Variants in AGMO observed in about 807,000 individuals in gnomAD.
AGMO encodes the protein glyceryl-ether monooxygenase.
In AGMO, 75 loss-of-function variants were observed where a neutral mutation model predicts 60.2. The observed-to-expected ratio is 1.25, with a 90% CI of 1.03 to 1.51. AGMO has a LOEUF of 1.51. Among genes scored for constraint, AGMO ranks in the 40% most tolerant of loss-of-function variants. AGMO has a pLI of 0.00. For synonymous variants in AGMO, 261 were observed against 177.1 expected (o/e 1.47, Z -3.76); for missense variants, 763 against 525.5 (o/e 1.45, Z -4.42).
In AGMO at chr7:15,390,763, T is replaced by C. The variant is rs548360005; in HGVS notation, c.743-13A>G. The C allele has an allele frequency of 1.2e-5, 20 of 1,602,884 alleles. No homozygotes were observed. The South Asian group carries it at 1.9e-4, about 15-fold the overall frequency. On this transcript the variant is annotated splice_polypyrimidine_tract_variant and intron_variant, in intron 7 of 12. Coordinates refer to ENST00000342526, the MANE Select transcript of AGMO (RefSeq NM_001004320.2). ...GCTTCAAATGTCCCTGGAAGATAAA[T>C]ATAAAGATATGAGATTTGGCTTCCT...
At chr7:15,235,996 G>A (rs906020442) in intron 12 of AGMO, among the ~76,000 whole-genome samples, 9 of 151,970 alleles carry the variant, frequency 5.9e-5, no homozygotes, top group African/African-American at 2.2e-4. Flanking sequence ...TATTATTAGT[G>A]GATGGGACCT....
chr7:15,184,508 AGGAAGGAAG>A, the AGMO span, among the ~76,000 whole-genome samples: 1 of 105,408 alleles, frequency 9.5e-6, no homozygotes, highest in Non-Finnish European at 1.9e-5. Context: ...AAGGAATAGA[AGGAAGGAAG>A]GGAGGGAGGG....
At chr7:15,292,583 G>A (rs888297881) in intron 12 of AGMO, among the ~76,000 whole-genome samples, 1 of 152,010 alleles carries the variant, frequency 6.6e-6, no homozygotes, top group Non-Finnish European at 1.5e-5. Flanking sequence ...CAATATTGTA[G>A]AGGTTCTTTC....
intron 2 of AGMO, among the ~76,000 whole-genome samples, chr7:15,552,116 T>C (rs946907865): frequency 5.9e-5 from 9 of 152,036 alleles, no homozygotes; most frequent in Non-Finnish European, 1.0e-4. Context: ...TGGCTAGCCA[T>C]ATGTAGAAAG....
At chr7:15,380,825 A>G (rs935647235) in intron 10 of AGMO, among the ~76,000 whole-genome samples, 1 of 152,192 alleles carries the variant, frequency 6.6e-6, no homozygotes, top group African/African-American at 2.4e-5. Context: ...TACTGGCACA[A>G]AAACAGTCAC....
intron 12 of AGMO, among the ~76,000 whole-genome samples, chr7:15,231,678 T>C (rs537548089): frequency 1.3e-5 from 2 of 152,312 alleles, no homozygotes; most frequent in African/African-American, 4.8e-5. Context: ...TGGGTTAAGA[T>C]TATAGATCTT....
At chr7:15,385,882 A>G (rs1027217140) in intron 9 of AGMO, among the ~76,000 whole-genome samples, 5 of 152,152 alleles carry the variant, frequency 3.3e-5, no homozygotes, top group African/African-American at 1.2e-4. Flanking sequence ...AAGCAAAGTA[A>G]AAGAAAAAAC....
chr7:15,257,512 T>C (rs7807400), intron 12 of AGMO, among the ~76,000 whole-genome samples: 3,720 of 152,298 alleles, frequency 0.024, 150 homozygotes, highest in African/African-American at 0.086. Flanking sequence ...TTCCTAATTG[T>C]AAATATAAAA....
At chr7:15,420,129 A>G (rs1780887366) in intron 4 of AGMO, among the ~76,000 whole-genome samples, 1 of 152,150 alleles carries the variant, frequency 6.6e-6, no homozygotes, top group Non-Finnish European at 1.5e-5. Flanking sequence ...GAATATTTAT[A>G]GTTCATTATA....
At chr7:15,374,312 C>G (rs766884880) in intron 10 of AGMO, among the ~76,000 whole-genome samples, 13 of 151,984 alleles carry the variant, frequency 8.6e-5, no homozygotes, top group Non-Finnish European at 1.8e-4. Flanking sequence ...TAAACATTTG[C>G]TAGAATTTCA....
chr7:15,427,042 C>T lies in AGMO; in HGVS notation c.513+3963G>A, dbSNP rs1329495569. Among the ~76,000 whole-genome samples, 5 of 152,100 alleles carry T rather than the reference C, an allele frequency of 3.3e-5. No homozygotes were observed. The East Asian group carries it at 9.7e-4, about 29-fold the overall frequency. On this transcript the variant is annotated intron_variant, in intron 4 of 12. Transcript: ENST00000342526. ...TTCGAATGGTGGTCTGAAAAGGAAACAGTGGGTGATGGGTTGAGGGATAAA... is the reference window on the plus strand; with the variant it reads ...TTCGAATGGTGGTCTGAAAAGGAAATAGTGGGTGATGGGTTGAGGGATAAA...
rs776953062 is a variant in AGMO, at chr7:15,535,098, C to A, written c.409+9674G>T. Among the ~76,000 whole-genome samples, 15 of 151,926 alleles carry A rather than the reference C, an allele frequency of 9.9e-5. 1 individual carries two copies. Among genetic ancestry groups the A allele is most frequent in the Non-Finnish European group, 1.8e-4 (12 of 67,832 alleles). Reference sequence around the variant, plus strand: ...AAACACAAAGAAGTGGCATAACTTGCTTAATATTACACAGTTAAAAAGTGG... The same window carrying A: ...AAACACAAAGAAGTGGCATAACTTGATTAATATTACACAGTTAAAAAGTGG... On this transcript the variant is annotated intron_variant, in intron 3 of 12. Transcript: ENST00000342526.
chr7:15,213,511 G>A (rs1360592893), intron 12 of AGMO, among the ~76,000 whole-genome samples: 1 of 151,834 alleles, frequency 6.6e-6, no homozygotes, highest in Non-Finnish European at 1.5e-5. Flanking sequence ...GGATACATCA[G>A]AAATATTGGT....
the AGMO span, among the ~76,000 whole-genome samples, chr7:15,124,584 T>C: frequency 6.6e-6 from 1 of 152,096 alleles, no homozygotes; most frequent in Non-Finnish European, 1.5e-5. Context: ...TTTGCTGACA[T>C]ACTCTCCCAG....
At chr7:15,441,848 T>TGCAA (rs1401428169) in intron 3 of AGMO, among the ~76,000 whole-genome samples, 1 of 152,152 alleles carries the variant, frequency 6.6e-6, no homozygotes, top group African/African-American at 2.4e-5. Context: ...CTGAAATCAC[T>TGCAA]AGGTAGAAAG....
At chr7:15,368,393 G>A (rs1207170136) in intron 10 of AGMO, among the ~76,000 whole-genome samples, 1 of 151,966 alleles carries the variant, frequency 6.6e-6, no homozygotes, top group Non-Finnish European at 1.5e-5. Flanking sequence ...TGTGGTTTTG[G>A]CGGGGAAAAA....
chr7:15,509,849 T>C (rs1303284783), intron 3 of AGMO, among the ~76,000 whole-genome samples: 2 of 152,078 alleles, frequency 1.3e-5, no homozygotes, highest in East Asian at 3.9e-4. Flanking sequence ...AAATCAAAAA[T>C]GCAATGAGCT....
At chr7:15,406,662 TG>T (rs371410274) in intron 5 of AGMO, among the ~76,000 whole-genome samples, 2,568 of 36,908 alleles carry the variant, frequency 0.07, 520 homozygotes, top group African/African-American at 0.1. Flanking sequence ...TGTATATATA[TG>T]GAATATACAT....
At chr7:15,302,047 A>C (rs1780454455) in intron 12 of AGMO, among the ~76,000 whole-genome samples, 1 of 152,194 alleles carries the variant, frequency 6.6e-6, no homozygotes, top group South Asian at 2.1e-4. Flanking sequence ...TAGTATAATG[A>C]GATTTGATAA....
Sources: gnomAD v4.1 joint callset for allele counts (sites outside exome capture counted in the v4.1 genomes callset) on GRCh38, gnomAD v4.1.1 for gene constraint, MANE v1.5 for transcripts, NCBI Gene and HGNC (gene_info 2026-07-23, HGNC 2026-07-21) for gene names.